FGD4: variants seen among roughly 807,000 people sequenced by gnomAD.
FGD4 encodes the protein FYVE, RhoGEF and PH domain containing 4.
Under a neutral mutation model 102.0 loss-of-function variants are expected in FGD4, and 42 were observed. The observed-to-expected ratio is 0.41, with a 90% confidence interval of 0.32 to 0.53. FGD4 has a LOEUF of 0.53. FGD4 is among the 20% of genes least tolerant of loss of function. FGD4 has a pLI of 0.21. For missense variants in FGD4, 902 were observed against 1,078.2 expected (o/e 0.84, Z 2.29); for synonymous variants, 380 against 375.7 (o/e 1.01, Z -0.13).
chr12:32,453,322 C>T (rs1942863280), intron 1 of FGD4, among the ~76,000 whole-genome samples: 1 of 150,208 alleles, frequency 6.7e-6, no homozygotes, highest in African/African-American at 2.4e-5. Flanking sequence ...CAGACTCCAC[C>T]TCCTGGGTTT....
chr12:32,594,812 A>G (rs547219099), intron 4 of FGD4, among the ~76,000 whole-genome samples: 2 of 152,184 alleles, frequency 1.3e-5, no homozygotes, highest in African/African-American at 2.4e-5. Flanking sequence ...CAGGCGGAAC[A>G]CAAGGTCAGG....
At chr12:32,561,084 T>G (rs1428058986) in intron 1 of FGD4, among the ~76,000 whole-genome samples, 3 of 118,876 alleles carry the variant, frequency 2.5e-5, no homozygotes, top group East Asian at 2.3e-4. Context: ...TGTTTTTTTT[T>G]TTTTTTTTTT....
intron 1 of FGD4, among the ~76,000 whole-genome samples, chr12:32,545,959 A>G (rs534695783): frequency 6.6e-5 from 10 of 152,328 alleles, no homozygotes; most frequent in Non-Finnish European, 1.2e-4. Context: ...AATTATTTTA[A>G]TTTCCTGGAA....
chr12:32,593,063 A>T (rs1404084560), intron 4 of FGD4, among the ~76,000 whole-genome samples: 1 of 152,196 alleles, frequency 6.6e-6, no homozygotes, highest in Non-Finnish European at 1.5e-5. Context: ...TGCCTATATG[A>T]TACAGTTACT....
intron 1 of FGD4, among the ~76,000 whole-genome samples, chr12:32,502,895 C>T (rs897198555): frequency 1.3e-5 from 2 of 152,200 alleles, no homozygotes; most frequent in Admixed American, 6.5e-5. Context: ...GGCATGCATG[C>T]AGGCACCGTG....
At chr12:32,604,167 A>T (rs1428167511) in intron 7 of FGD4, among the ~76,000 whole-genome samples, 1 of 151,634 alleles carries the variant, frequency 6.6e-6, no homozygotes, top group African/African-American at 2.4e-5. Context: ...TTTAAATATG[A>T]TGTGTCTGGG....
intron 1 of FGD4, among the ~76,000 whole-genome samples, chr12:32,499,189 C>T (rs1938010751): frequency 6.6e-6 from 1 of 152,190 alleles, no homozygotes; most frequent in South Asian, 2.1e-4. Context: ...GCAAAGTTGC[C>T]GCCTGCGCAG....
chr12:32,403,793 C>T (rs1940799018), intron 1 of FGD4, among the ~76,000 whole-genome samples: 1 of 151,978 alleles, frequency 6.6e-6, no homozygotes, highest in Non-Finnish European at 1.5e-5. Context: ...GACGGGGTTT[C>T]ACCTTGTTGG....
Position 32,472,497 on chromosome 12 carries a change from A to G in FGD4, c.166+72538A>G, listed in dbSNP as rs1043052053. ...GTGCTGGCCCACCGGTGCTGCGCTCAATTTCTCGCTGGGCCTTGGCTGCCT... is the reference window on the plus strand; with the variant it reads ...GTGCTGGCCCACCGGTGCTGCGCTCGATTTCTCGCTGGGCCTTGGCTGCCT... On this transcript the variant is annotated intron_variant, in intron 1 of 16. Coordinates refer to ENST00000534526, the MANE Select transcript of FGD4 (RefSeq NM_001370298.3). Among the ~76,000 whole-genome samples the G allele has an allele frequency of 2.0e-5, 3 of 152,136 alleles. No individual in the cohort carries two copies. The South Asian group carries it at 6.2e-4, about 32-fold the overall frequency.
intron 1 of FGD4, among the ~76,000 whole-genome samples, chr12:32,526,398 G>A (rs1305445725): frequency 1.3e-5 from 2 of 152,178 alleles, no homozygotes; most frequent in South Asian, 2.1e-4. Context: ...TGCACCAATC[G>A]ACACTCTGTA....
intron 1 of FGD4, among the ~76,000 whole-genome samples, chr12:32,406,971 C>T (rs2136386800): frequency 6.6e-6 from 1 of 151,988 alleles, no homozygotes; most frequent in East Asian, 1.9e-4. Flanking sequence ...TGCCACCATG[C>T]CCAGCTAATT....
rs145107335 is a variant in FGD4, at chr12:32,644,763, T to C, written c.*4230T>C. On this transcript the variant is annotated 3_prime_UTR_variant, in exon 17 of 17. Coordinates refer to ENST00000534526, the MANE Select transcript of FGD4 (RefSeq NM_001370298.3). ...TGTAATTACATGCTGATGGGATCCATTGCACCCAGGTTTTTGACCTTGGCC... is the reference window on the plus strand; with the variant it reads ...TGTAATTACATGCTGATGGGATCCACTGCACCCAGGTTTTTGACCTTGGCC... 2.0e-5 allele frequency: 3 copies of C among 152,328 alleles called. No homozygotes were observed. The highest frequency in any genetic ancestry group is 1.9e-4 in the East Asian group (1 of 5,184). The allele number at this position is 152,328 out of a possible 1,614,324, so 9.4% of individuals were successfully genotyped here.
At chr12:32,460,174 A>T (rs900326034) in intron 1 of FGD4, among the ~76,000 whole-genome samples, 1 of 152,206 alleles carries the variant, frequency 6.6e-6, no homozygotes, top group Admixed American at 6.5e-5. Flanking sequence ...TGAAGCCAAT[A>T]TTTAAAACTA....
intron 1 of FGD4, among the ~76,000 whole-genome samples, chr12:32,520,879 A>G (rs1257461137): frequency 6.6e-6 from 1 of 152,160 alleles, no homozygotes; most frequent in African/African-American, 2.4e-5. Flanking sequence ...GTTTAGAGAT[A>G]AAGTATTCTA....
intron 1 of FGD4, among the ~76,000 whole-genome samples, chr12:32,557,992 A>G (rs1188629073): frequency 6.6e-6 from 1 of 152,332 alleles, no homozygotes; most frequent in Non-Finnish European, 1.5e-5. Context: ...TTAACATCAC[A>G]TGATAATCAT....
intron 10 of FGD4, among the ~76,000 whole-genome samples, chr12:32,615,509 G>A (rs935122936): frequency 2.6e-4 from 40 of 152,218 alleles, no homozygotes; most frequent in African/African-American, 9.6e-4. Context: ...GTTCTCATTT[G>A]TGCTAAACAC....
chr12:32,584,309 T>C (rs1226474747), intron 4 of FGD4, among the ~76,000 whole-genome samples: 1 of 152,258 alleles, frequency 6.6e-6, no homozygotes, highest in Non-Finnish European at 1.5e-5. Flanking sequence ...TGATGTTTGT[T>C]ATGTTGCCTT....
intron 11 of FGD4, 84 bp from the exon 12 acceptor site, chr12:32,624,338 G>T: frequency 9.1e-7 from 1 of 1,100,960 alleles, no homozygotes; most frequent in Non-Finnish European, 1.3e-6. Flanking sequence ...CCAGAAAGTT[G>T]GAACAACAGG....
intron 1 of FGD4, among the ~76,000 whole-genome samples, chr12:32,522,561 T>A (rs1378031533): frequency 3.3e-5 from 5 of 152,224 alleles, no homozygotes; most frequent in Non-Finnish European, 1.5e-5. Flanking sequence ...TTGTGTGACC[T>A]GGCAGGGGCA....
Sources: allele counts gnomAD v4.1 joint callset (sites outside exome capture counted in the v4.1 genomes callset), GRCh38; gene constraint gnomAD v4.1.1; transcripts MANE v1.5; gene names NCBI Gene and HGNC (gene_info 2026-07-23, HGNC 2026-07-21).